The following INVS variants were observed in gnomAD, a reference collection of about 807,000 sequenced individuals.
INVS encodes inversion of embryo turning homolog.
A neutral mutation model predicts 108.8 loss-of-function variants in INVS; 86 were observed. The observed-to-expected ratio is 0.79, with a 90% CI of 0.66 to 0.95. The LOEUF is 0.95. Ranked by LOEUF, INVS falls within the 40% of genes least tolerant of loss-of-function variation. INVS has a pLI of 0.00. For missense variants in INVS, 1,169 were observed against 1,297.4 expected (o/e 0.90, Z 1.52); for synonymous variants, 455 against 473.5 (o/e 0.96, Z 0.51).
At chr9:100,207,182 C>CCTT (rs1463928168) in intron 3 of INVS, among the ~76,000 whole-genome samples, 14 of 148,862 alleles carry the variant, frequency 9.4e-5, no homozygotes, top group Admixed American at 3.3e-4. Flanking sequence ...CTGGAACCGT[C>CCTT]CAACCCACTC....
intron 8 of INVS, among the ~76,000 whole-genome samples, chr9:100,250,419 T>G (rs1309756771): frequency 6.6e-6 from 1 of 152,192 alleles, no homozygotes; most frequent in Non-Finnish European, 1.5e-5. Context: ...GTGCTGTCTT[T>G]CATGTTATAG....
intron 3 of INVS, among the ~76,000 whole-genome samples, chr9:100,178,325 A>T (rs1439932109): frequency 6.6e-6 from 1 of 152,086 alleles, no homozygotes; most frequent in Non-Finnish European, 1.5e-5. Context: ...GCAATAATAA[A>T]CTCCTCTGAG....
In INVS at chr9:100,278,943, G is replaced by A. The variant is rs557369852; in HGVS notation, c.1785-5377G>A. 4.6e-5 allele frequency among the ~76,000 whole-genome samples: 7 copies of A among 152,302 alleles called. No individual in the cohort carries two copies. The South Asian group carries it at 1.2e-3, about 27-fold the overall frequency. ...AAAAGAAAGAGCAAAGGGGCTCACC[G>A]CTGTCCATACTTGAACATGAAACCA... On this transcript the variant is annotated intron_variant, in intron 12 of 16. Coordinates refer to ENST00000262457, the MANE Select transcript of INVS (RefSeq NM_014425.5).
Position 100,300,557 on chromosome 9 carries a change from GT to G in INVS, c.3092-6del, listed in dbSNP as rs886044279. 6.5e-7 allele frequency: 1 copy of G among 1,536,810 alleles called. No individual in the cohort carries two copies. The highest frequency in any genetic ancestry group is 1.4e-5 in the African/African-American group (1 of 73,382). On this transcript the variant is annotated splice_polypyrimidine_tract_variant and intron_variant, in intron 16 of 16. Transcript: ENST00000262457. ...TAACCTTAATATCTATCTGGTATTT[GT>G]TTTTAACAGTGAGCAACCTACAGTG... is the stretch of plus-strand genomic sequence containing the variant.
At chr9:100,104,902 T>C (rs898976480) in intron 2 of INVS, among the ~76,000 whole-genome samples, 5 of 152,232 alleles carry the variant, frequency 3.3e-5, no homozygotes, top group Non-Finnish European at 7.3e-5. Context: ...AATTCATCTT[T>C]ATGTTAACAG....
intron 10 of INVS, 123 bp downstream of exon 10, chr9:100,253,259 AATC>A (rs1430398501): frequency 2.8e-6 from 2 of 722,890 alleles, no homozygotes; most frequent in African/African-American, 3.5e-5. Context: ...TCCATCTGTT[AATC>A]ATGACTATTA....
intron 3 of INVS, among the ~76,000 whole-genome samples, chr9:100,138,664 G>A (rs1027969515): frequency 6.8e-6 from 1 of 146,920 alleles, no homozygotes. Flanking sequence ...TATTGATTTC[G>A]ACTTTTGTTT....
At chr9:100,267,374 TG>T (rs1438487573) in intron 11 of INVS, among the ~76,000 whole-genome samples, 1 of 152,232 alleles carries the variant, frequency 6.6e-6, no homozygotes, top group African/African-American at 2.4e-5. Flanking sequence ...CAATGTACCT[TG>T]ATGTACAAAT....
chr9:100,280,583 C>T (rs1173689641), intron 12 of INVS, among the ~76,000 whole-genome samples: 3 of 151,950 alleles, frequency 2.0e-5, no homozygotes, highest in Non-Finnish European at 4.4e-5. Flanking sequence ...ATGTTGCTTG[C>T]TGTGTCATAG....
At chr9:100,238,501 A>G (rs1487997555) in intron 5 of INVS, among the ~76,000 whole-genome samples, 1 of 152,196 alleles carries the variant, frequency 6.6e-6, no homozygotes, top group Non-Finnish European at 1.5e-5. Context: ...TGCCAAACAT[A>G]TATAGCTGTT....
chr9:100,127,563 G>A (rs554608209), intron 3 of INVS, among the ~76,000 whole-genome samples: 24 of 152,212 alleles, frequency 1.6e-4, no homozygotes, highest in African/African-American at 5.8e-4. Flanking sequence ...CAATTAAAAT[G>A]AGTTAGATCC....
At chr9:100,104,703 AT>A in intron 2 of INVS, 76 bp downstream of exon 2, 1 of 913,548 alleles carries the variant, frequency 1.1e-6, no homozygotes, top group South Asian at 1.3e-5. Context: ...GTTAGTTTTA[AT>A]TTGCAATGTA....
chr9:100,110,173 C>T lies in INVS; in HGVS notation c.106+5546C>T, dbSNP rs551229461. Among the ~76,000 whole-genome samples, 4 of 152,284 alleles carry T rather than the reference C, an allele frequency of 2.6e-5. No individual in the cohort carries two copies. In the East Asian group the frequency reaches 7.7e-4, roughly 29 times the overall value. ...TTAAATGTTTATGCATCCATCCTAA[C>T]AATAGTAATAAAATTAGCTAACATT... On this transcript the variant is annotated intron_variant, in intron 2 of 16. Transcript: ENST00000262457.
chr9:100,201,859 A>G (rs562610431), intron 3 of INVS, among the ~76,000 whole-genome samples: 2 of 152,218 alleles, frequency 1.3e-5, no homozygotes, highest in Non-Finnish European at 2.9e-5. Context: ...GACATGCACT[A>G]TGGTTCTAGC....
chr9:100,234,466 A>G (rs1019471246), intron 5 of INVS, among the ~76,000 whole-genome samples: 1 of 152,072 alleles, frequency 6.6e-6, no homozygotes, highest in African/African-American at 2.4e-5. Flanking sequence ...TAGGGTGTCA[A>G]TTTTAGATCT....
intron 3 of INVS, among the ~76,000 whole-genome samples, chr9:100,170,862 T>C (rs1829516761): frequency 1.3e-5 from 2 of 152,192 alleles, no homozygotes; most frequent in Admixed American, 1.3e-4. Flanking sequence ...AAGTTCATAG[T>C]TTAATGGGGA....
chr9:100,292,601 A>C lies in INVS; in HGVS notation c.2344A>C (p.Thr782Pro). ...CTGGAAGCCCAGCAGGCGGCATGAC[A>C]CAGAACCCAAGGCCAAATGTGCCCC... is the stretch of plus-strand genomic sequence containing the variant. ...SHWKPSRRHDTEPKAKCAPQK... is the reference protein window; with the variant it reads ...SHWKPSRRHDPEPKAKCAPQK... Residue 782 changes from threonine to proline, a missense_variant, in exon 14 of 17, where the codon ACA becomes CCA. Thr to Pro is a conservative substitution (Grantham distance 38, BLOSUM62 -1). Around this residue, in one of 3 missense-constraint regions of INVS, gnomAD observed 533 missense variants for 536.0 expected, o/e 0.99. Transcript: ENST00000262457. The C allele has an allele frequency of 6.2e-7, 1 of 1,614,192 alleles. No homozygotes were observed. The highest frequency in any genetic ancestry group is 2.2e-5 in the East Asian group (1 of 44,872).
In INVS at chr9:100,287,352, G is replaced by A. The variant is rs916424915; in HGVS notation, c.2068+2749G>A. Among the ~76,000 whole-genome samples, 8 of 152,132 alleles carry A rather than the reference G, an allele frequency of 5.3e-5. No homozygotes were observed. In the South Asian group the frequency reaches 6.2e-4, roughly 12 times the overall value. On this transcript the variant is annotated intron_variant, in intron 13 of 16. Transcript: ENST00000262457. The stretch of plus-strand genomic sequence containing the variant: ...CATTATATTGATCAAAGCAAGTTAC[G>A]AGACCATCCCAGACCAAATGATGTC...
Position 100,100,835 on chromosome 9 carries a change from AATAT to A in INVS, c.-25+1427_-25+1430del, listed in dbSNP as rs1309464597. ...TAATATATATAATATATGTATATAT[AATAT>A]ATATATAATATATGTATATATAATA... On this transcript the variant is annotated intron_variant, in intron 1 of 16. Transcript: ENST00000262457. 0.016 allele frequency among the ~76,000 whole-genome samples: 126 copies of A among 7,800 alleles called. 50 individuals are homozygous for A. The East Asian group carries it at 0.33, about 21-fold the overall frequency. 5.1% of individuals were successfully genotyped at this position (7,800 alleles called of 152,430 possible). A position where few individuals can be genotyped will look rare whatever the true frequency, so the allele number is the denominator to read the frequency against.
Sources: allele counts gnomAD v4.1 joint callset (sites outside exome capture counted in the v4.1 genomes callset), GRCh38; gene constraint gnomAD v4.1.1; regional missense constraint gnomAD v4.1.1; transcripts MANE v1.5; gene names NCBI Gene and HGNC (gene_info 2026-07-23, HGNC 2026-07-21).